The following TBC1D5 variants were observed in gnomAD, a reference collection of about 807,000 sequenced individuals.
TBC1D5 encodes the protein TBC1 domain family, member 5.
Under a neutral mutation model 100.3 loss-of-function variants are expected in TBC1D5, and 75 were observed. The observed-to-expected ratio is 0.75, with a 90% CI of 0.62 to 0.91. The LOEUF is 0.91. Among genes scored for constraint, TBC1D5 ranks in the 40% least tolerant of loss-of-function variants. The pLI is 0.00. For missense variants in TBC1D5, 910 were observed against 942.4 expected (o/e 0.97, Z 0.45); for synonymous variants, 323 against 325.6 (o/e 0.99, Z 0.09).
intron 17 of TBC1D5, among the ~76,000 whole-genome samples, chr3:17,228,575 T>C (rs1329673563): frequency 6.6e-6 from 1 of 152,130 alleles, no homozygotes; most frequent in Non-Finnish European, 1.5e-5. Flanking sequence ...GCACTAAGTA[T>C]AGAACCATCA....
intron 15 of TBC1D5, among the ~76,000 whole-genome samples, chr3:17,266,220 T>C (rs1232784131): frequency 6.6e-6 from 1 of 152,220 alleles, no homozygotes; most frequent in Non-Finnish European, 1.5e-5. Context: ...TATTGCCACT[T>C]ACTGCCCTTT....
At chr3:17,225,448 A>AC (rs1387777505) in intron 17 of TBC1D5, among the ~76,000 whole-genome samples, 2 of 151,248 alleles carry the variant, frequency 1.3e-5, no homozygotes, top group Non-Finnish European at 3.0e-5. Context: ...TCAAAAAAAA[A>AC]AAAAAAAACA....
At chr3:17,563,076 A>G (rs530156247) in intron 2 of TBC1D5, among the ~76,000 whole-genome samples, 39 of 152,332 alleles carry the variant, frequency 2.6e-4, no homozygotes, top group Admixed American at 1.4e-3. Flanking sequence ...TGATGAGGGG[A>G]TATTTGTTGA....
intron 17 of TBC1D5, among the ~76,000 whole-genome samples, chr3:17,220,406 G>A (rs2074141293): frequency 6.6e-6 from 1 of 152,072 alleles, no homozygotes; most frequent in Non-Finnish European, 1.5e-5. Flanking sequence ...AACTAGAGAG[G>A]CTGAGTATCT....
At chr3:17,564,661 T>C (rs922560401) in intron 2 of TBC1D5, among the ~76,000 whole-genome samples, 2 of 152,200 alleles carry the variant, frequency 1.3e-5, no homozygotes, top group African/African-American at 4.8e-5. Context: ...TGCTAGTTGA[T>C]GCCCTATGTA....
At chr3:17,330,730 T>G (rs1045760775) in intron 13 of TBC1D5, among the ~76,000 whole-genome samples, 9 of 152,160 alleles carry the variant, frequency 5.9e-5, no homozygotes, top group African/African-American at 9.7e-5. Context: ...ATTTTCAGAC[T>G]AATATGTGTA....
intron 1 of TBC1D5, among the ~76,000 whole-genome samples, chr3:17,738,056 C>T (rs567667901): frequency 6.6e-6 from 1 of 152,288 alleles, no homozygotes; most frequent in East Asian, 1.9e-4. Context: ...AGATTTTAAC[C>T]AATCCTTTCA....
chr3:17,402,644 T>G lies in TBC1D5; in HGVS notation c.509+537A>C, dbSNP rs180683870. On this transcript the variant is annotated intron_variant, in intron 8 of 21. Coordinates refer to ENST00000253692, the Ensembl canonical transcript of TBC1D5. ...TTCCATTTACTCCTCACCCTATGAC[T>G]CAGTCGAATATATCAAAGTTATGGA... Among the ~76,000 whole-genome samples the G allele has an allele frequency of 5.2e-3, 793 of 152,240 alleles. 7 individuals carry two copies. The highest frequency in any genetic ancestry group is 0.018 in the South Asian group (89 of 4,828).
intron 14 of TBC1D5, among the ~76,000 whole-genome samples, chr3:17,292,269 C>T (rs2081837638): frequency 6.6e-6 from 1 of 152,212 alleles, no homozygotes. Context: ...ACATCTGCAA[C>T]ATAAATTCTC....
At chr3:17,608,887 TAA>T (rs1265803899) in intron 2 of TBC1D5, among the ~76,000 whole-genome samples, 6 of 152,196 alleles carry the variant, frequency 3.9e-5, no homozygotes, top group African/African-American at 9.6e-5. Context: ...CCAATTTACT[TAA>T]GAGTATCACT....
chr3:17,194,734 A>G (rs1461928312), intron 18 of TBC1D5, among the ~76,000 whole-genome samples: 1 of 152,236 alleles, frequency 6.6e-6, no homozygotes, highest in East Asian at 1.9e-4. Flanking sequence ...AATCATAAGT[A>G]ATATTTATTA....
At chr3:17,186,796 C>T (rs529302618) in intron 18 of TBC1D5, among the ~76,000 whole-genome samples, 1 of 105,998 alleles carries the variant, frequency 9.4e-6, no homozygotes, top group East Asian at 3.4e-4. Flanking sequence ...GCTCTAAAAA[C>T]AAATTACTGT....
At chr3:17,560,964 ATAC>A (rs995127648) in intron 2 of TBC1D5, among the ~76,000 whole-genome samples, 28 of 152,102 alleles carry the variant, frequency 1.8e-4, no homozygotes, top group Non-Finnish European at 3.5e-4. Flanking sequence ...AACATGAACA[ATAC>A]TAAACTATAG....
rs554406704 is a variant in TBC1D5, at chr3:17,498,937, G to A, written c.97+9537C>T. Among the ~76,000 whole-genome samples the A allele has an allele frequency of 2.0e-5, 3 of 152,226 alleles. No homozygotes were observed. In the East Asian group the frequency reaches 5.8e-4, roughly 29 times the overall value. ...ATGACTGTTATATAGCAAAGTAAGGGGATAATTTTAAGACATGAACTTGAG... is the reference window on the plus strand; with the variant it reads ...ATGACTGTTATATAGCAAAGTAAGGAGATAATTTTAAGACATGAACTTGAG... On this transcript the variant is annotated intron_variant, in intron 3 of 21. Coordinates refer to ENST00000253692, the Ensembl canonical transcript of TBC1D5.
intron 17 of TBC1D5, among the ~76,000 whole-genome samples, chr3:17,215,157 A>C (rs558387278): frequency 6.6e-6 from 1 of 152,272 alleles, no homozygotes; most frequent in African/African-American, 2.4e-5. Flanking sequence ...TTTGACTTAC[A>C]TTTTAAAAGG....
At chr3:17,339,074 T>C (rs1005672921) in intron 13 of TBC1D5, among the ~76,000 whole-genome samples, 1 of 152,298 alleles carries the variant, frequency 6.6e-6, no homozygotes, top group South Asian at 2.1e-4. Context: ...GAAGAAAAGA[T>C]AGCATTAAAC....
chr3:17,592,454 A>G (rs2060290410), intron 2 of TBC1D5, among the ~76,000 whole-genome samples: 1 of 152,194 alleles, frequency 6.6e-6, no homozygotes, highest in African/African-American at 2.4e-5. Flanking sequence ...GTGGAGATCC[A>G]AAGGCTTATC....
At chr3:17,541,450 T>C (rs1034099433) in intron 2 of TBC1D5, among the ~76,000 whole-genome samples, 5 of 152,230 alleles carry the variant, frequency 3.3e-5, no homozygotes, top group Non-Finnish European at 7.3e-5. Flanking sequence ...TTTTTGATGC[T>C]ATTGTAAATG....
chr3:17,548,173 G>A (rs948084913), intron 2 of TBC1D5, among the ~76,000 whole-genome samples: 1 of 152,044 alleles, frequency 6.6e-6, no homozygotes, highest in South Asian at 2.1e-4. Flanking sequence ...AAATCAGCCG[G>A]GCATGGTGGC....
Sources: allele counts gnomAD v4.1 joint callset (sites outside exome capture counted in the v4.1 genomes callset), GRCh38; gene constraint gnomAD v4.1.1; transcripts MANE v1.5; gene names NCBI Gene and HGNC (gene_info 2026-07-23, HGNC 2026-07-21).